Variants in PAK2 observed in about 807,000 individuals in gnomAD.
PAK2 encodes the protein serine/threonine-protein kinase PAK 2.
A neutral mutation model predicts 65.9 loss-of-function variants in PAK2; 21 were observed. The ratio of observed to expected loss-of-function variants is 0.32; its 90% CI spans 0.23 to 0.46. PAK2 has a LOEUF of 0.46. Among genes scored for constraint, PAK2 ranks in the 20% least tolerant of loss-of-function variants. The probability of loss-of-function intolerance (pLI) is 1.00; values close to 1 mark genes in which losing one functional copy is unlikely to be tolerated. For missense variants in PAK2, 324 were observed against 642.6 expected (o/e 0.50, Z 5.36); for synonymous variants, 204 against 219.7 (o/e 0.93, Z 0.63).
At chr3:196,792,635 A>T (rs139079200) in intron 2 of PAK2, among the ~76,000 whole-genome samples, 2 of 152,306 alleles carry the variant, frequency 1.3e-5, no homozygotes, top group African/African-American at 2.4e-5. Context: ...GTAAACAAAG[A>T]AGAGCATACG....
In PAK2 at chr3:196,812,255, A is replaced by G; in HGVS notation, c.810A>G (p.Ala270=). 1 of 1,584,304 alleles carries G rather than the reference A, an allele frequency of 6.3e-7. No individual in the cohort carries two copies. The highest frequency in any genetic ancestry group is 8.7e-7 in the Non-Finnish European group (1 of 1,153,132). The change falls in exon 9 of 15, where the codon GCA becomes GCG. Residue 270 remains alanine, a synonymous_variant. Transcript: ENST00000327134. ...CAGTTTTCACTGCTACTGACGTTGC[A>G]CTGGGACAGGAGGTAGTTACTTTGT... ...SGTVFTATDV[A]LGQEVAIKQI...
intron 2 of PAK2, among the ~76,000 whole-genome samples, chr3:196,787,207 G>A (rs1217794899): frequency 1.3e-5 from 2 of 151,988 alleles, no homozygotes; most frequent in Non-Finnish European, 2.9e-5. Context: ...TTGGCTTTTT[G>A]CATCTTTCTA....
chr3:196,759,489 GTTTTTTTTGTTTTTTTTTTT>G (rs1713878628), intron 1 of PAK2, among the ~76,000 whole-genome samples: 26 of 98,880 alleles, frequency 2.6e-4, no homozygotes, highest in Admixed American at 1.5e-3. Context: ...CAGTTAAGTG[GTTTTTTTTGTTTTTTTTTTT>G]TTTTTTTTTT....
At chr3:196,786,987 A>G (rs1714911691) in intron 2 of PAK2, among the ~76,000 whole-genome samples, 1 of 151,702 alleles carries the variant, frequency 6.6e-6, no homozygotes, top group Non-Finnish European at 1.5e-5. Flanking sequence ...ACCATGCCCA[A>G]CTAATTTTTG....
Position 196,807,918 on chromosome 3 carries a change from T to C in PAK2, c.709+4T>C, listed in dbSNP as rs1715637682. 1 of 1,589,506 alleles carries C rather than the reference T, an allele frequency of 6.3e-7. No individual in the cohort carries two copies. Among genetic ancestry groups the C allele is most frequent in the East Asian group, 2.2e-5 (1 of 44,750 alleles). ...GAAGAGATTATGGAGAAATTAAGTATGTTATCTACATTTTACATCATTGTT... is the reference window on the plus strand; with the variant it reads ...GAAGAGATTATGGAGAAATTAAGTACGTTATCTACATTTTACATCATTGTT... On this transcript the variant is annotated splice_donor_region_variant and intron_variant, in intron 7 of 14. Transcript: ENST00000327134.
At chr3:196,768,337 A>T (rs763356521) in intron 1 of PAK2, among the ~76,000 whole-genome samples, 1 of 151,862 alleles carries the variant, frequency 6.6e-6, no homozygotes, top group Non-Finnish European at 1.5e-5. Context: ...GGCTTTATTG[A>T]TAGTCCTTTT....
At chr3:196,810,683 A>G in intron 8 of PAK2, 30 bp downstream of exon 8, 1 of 1,009,792 alleles carries the variant, frequency 9.9e-7, no homozygotes, top group Non-Finnish European at 1.6e-6. Context: ...TTACGATAAT[A>G]TTCAGTATTC....
chr3:196,808,301 G>A (rs138886526), intron 7 of PAK2, among the ~76,000 whole-genome samples: 5,094 of 151,828 alleles, frequency 0.034, 302 homozygotes, highest in African/African-American at 0.11. Context: ...GGTGGCTCAC[G>A]CCTGTAATCC....
chr3:196,746,935 T>G (rs1009018447), intron 1 of PAK2, among the ~76,000 whole-genome samples: 1 of 152,188 alleles, frequency 6.6e-6, no homozygotes, highest in African/African-American at 2.4e-5. Flanking sequence ...ATCATTTCTT[T>G]TAGATTTTCA....
rs115481461 is a variant in PAK2 at position 196,791,041 on chromosome 3, G to A, written c.187+8208G>A. ...ACTCCCCGGCCTTCCAAGCAGGTTT[G>A]CTTTTTTCTATTCCTATAATTTCTT... is the stretch of plus-strand genomic sequence containing the variant. On this transcript the variant is annotated intron_variant, in intron 2 of 14. Coordinates refer to ENST00000327134, the MANE Select transcript of PAK2 (RefSeq NM_002577.4). The surrounding 1 kb of genome is among the most constrained non-coding windows in gnomAD (Gnocchi z 4.0). Among the ~76,000 whole-genome samples the A allele has an allele frequency of 6.6e-6, 1 of 152,126 alleles. No homozygotes were observed. The highest frequency in any genetic ancestry group is 1.5e-5 in the Non-Finnish European group (1 of 68,018).
intron 1 of PAK2, among the ~76,000 whole-genome samples, chr3:196,770,753 G>C (rs1714335127): frequency 6.6e-6 from 1 of 151,924 alleles, no homozygotes; most frequent in African/African-American, 2.4e-5. Context: ...TTCCCGAGTA[G>C]CTGGGATTGC....
intron 6 of PAK2, 106 bp from the exon 7 acceptor site, chr3:196,807,676 A>G (rs1715629638): frequency 1.6e-6 from 1 of 632,180 alleles, no homozygotes; most frequent in Non-Finnish European, 2.8e-6. Context: ...ACAATGGAAA[A>G]GACTACTTAG....
At chr3:196,757,113 G>A (rs1000388765) in intron 1 of PAK2, among the ~76,000 whole-genome samples, 2 of 152,146 alleles carry the variant, frequency 1.3e-5, no homozygotes, top group African/African-American at 4.8e-5. Flanking sequence ...AGACCAGGGG[G>A]TATGAGCCAG....
intron 4 of PAK2, among the ~76,000 whole-genome samples, chr3:196,805,044 G>T (rs1191098656): frequency 6.6e-6 from 1 of 151,818 alleles, no homozygotes; most frequent in African/African-American, 2.4e-5. Context: ...CAGATTGATA[G>T]GTATACTTTC....
rs1047705131 is a variant in PAK2 at position 196,791,199 on chromosome 3, G to T, written c.187+8366G>T. ...TATAGCAATATCTTTCCAGCACATT[G>T]TTCAATTCCAGACATGCTTTAGTAT... On this transcript the variant is annotated intron_variant, in intron 2 of 14. Coordinates refer to ENST00000327134, the MANE Select transcript of PAK2 (RefSeq NM_002577.4). This position sits in a 1 kb window ranked among gnomAD's most constrained non-coding sequence, Gnocchi z 4.0. Among the ~76,000 whole-genome samples, 4 of 152,066 alleles carry T rather than the reference G, an allele frequency of 2.6e-5. No individual in the cohort carries two copies. In the South Asian group the frequency reaches 6.2e-4, roughly 24 times the overall value.
At chr3:196,771,162 A>T (rs965778897) in intron 1 of PAK2, among the ~76,000 whole-genome samples, 2 of 152,042 alleles carry the variant, frequency 1.3e-5, no homozygotes, top group African/African-American at 4.8e-5. Context: ...CTTAAAAAAT[A>T]GTTTTGTTGA....
intron 1 of PAK2, among the ~76,000 whole-genome samples, chr3:196,752,788 A>G (rs1168351609): frequency 6.6e-6 from 1 of 151,234 alleles, no homozygotes; most frequent in Non-Finnish European, 1.5e-5. Flanking sequence ...TTTAGTAGAG[A>G]CAGGGTTTTG....
chr3:196,825,785 T>C (rs1197494774), intron 13 of PAK2, among the ~76,000 whole-genome samples: 1 of 152,202 alleles, frequency 6.6e-6, no homozygotes, highest in Non-Finnish European at 1.5e-5. Context: ...CTTAAGCCAT[T>C]ACAGTAATTT....
At chr3:196,802,599 C>T (rs908560133) in intron 3 of PAK2, among the ~76,000 whole-genome samples, 1 of 152,164 alleles carries the variant, frequency 6.6e-6, no homozygotes, top group African/African-American at 2.4e-5. Context: ...AATCCCAGCA[C>T]TTTGGGAGGC....
Sources: allele counts gnomAD v4.1 joint callset (sites outside exome capture counted in the v4.1 genomes callset), GRCh38; gene constraint gnomAD v4.1.1; non-coding constraint Gnocchi (gnomAD v3.1); transcripts MANE v1.5; gene names NCBI Gene and HGNC (gene_info 2026-07-23, HGNC 2026-07-21).